The following ADAM18 variants were observed in gnomAD, a reference collection of about 807,000 sequenced individuals.
ADAM18 encodes disintegrin and metalloproteinase domain-containing protein 18.
In ADAM18, 117 loss-of-function variants were observed where a neutral mutation model predicts 94.4. The ratio of observed to expected loss-of-function variants is 1.24; its 90% CI spans 1.07 to 1.45. The LOEUF (loss-of-function observed/expected upper bound fraction) is 1.45, where lower values mean the gene tolerates loss of function less well. Ranked by LOEUF, ADAM18 falls within the 40% of genes most tolerant of loss-of-function variation. ADAM18 has a pLI of 0.00. For synonymous variants in ADAM18, 327 were observed against 291.6 expected (o/e 1.12, Z -1.24); for missense variants, 936 against 880.0 (o/e 1.06, Z -0.81).
chr8:39,606,749 A>G (rs1401767853), intron 3 of ADAM18, among the ~76,000 whole-genome samples: 1 of 152,048 alleles, frequency 6.6e-6, no homozygotes, highest in Non-Finnish European at 1.5e-5. Context: ...CTTTTTAATC[A>G]CCTGGGGGCA....
At chr8:39,673,817 G>A (rs1002601040) in intron 14 of ADAM18, among the ~76,000 whole-genome samples, 6 of 152,112 alleles carry the variant, frequency 3.9e-5, no homozygotes, top group Non-Finnish European at 8.8e-5. Context: ...ATTCTGGTAC[G>A]TTTTATCTTT....
At chr8:39,638,387 T>G in intron 9 of ADAM18, 78 bp from the exon 10 acceptor site, 3 of 946,550 alleles carry the variant, frequency 3.2e-6, no homozygotes, top group South Asian at 4.0e-5. Context: ...AAATTTTATG[T>G]GAAGAAGGTT....
At chr8:39,667,930 A>G (rs1821035535) in intron 13 of ADAM18, 68 bp from the exon 14 acceptor site, 1 of 1,467,318 alleles carries the variant, frequency 6.8e-7, no homozygotes, top group African/African-American at 1.4e-5. Context: ...TATGTGATAA[A>G]TCTTTTCACT....
chr8:39,618,663 G>A (rs1029815377), intron 6 of ADAM18, among the ~76,000 whole-genome samples: 3 of 152,076 alleles, frequency 2.0e-5, no homozygotes, highest in Non-Finnish European at 2.9e-5. Context: ...CCCTAAAGAG[G>A]CCTAGAAGAG....
intron 12 of ADAM18, 61 bp downstream of exon 12, chr8:39,648,588 T>A: frequency 6.9e-7 from 1 of 1,442,090 alleles, no homozygotes; most frequent in African/African-American, 1.4e-5. Context: ...ACATAAGACA[T>A]GTTTGTCATG....
chr8:39,683,136 T>C (rs1821516380), intron 16 of ADAM18, among the ~76,000 whole-genome samples: 1 of 152,212 alleles, frequency 6.6e-6, no homozygotes, highest in Non-Finnish European at 1.5e-5. Flanking sequence ...TCTTCATTGC[T>C]TACTTGGATG....
chr8:39,703,277 C>T (rs189372179), intron 17 of ADAM18, among the ~76,000 whole-genome samples: 60 of 151,962 alleles, frequency 3.9e-4, no homozygotes, highest in African/African-American at 1.0e-3. Context: ...TTTGGCTCTC[C>T]GGTTGACTGT....
intron 6 of ADAM18, 163 bp downstream of exon 6, chr8:39,610,869 A>G: frequency 7.9e-7 from 1 of 1,271,536 alleles, no homozygotes; most frequent in East Asian, 2.9e-5. Flanking sequence ...AAATATTTGG[A>G]AAGTTACATA....
At chr8:39,586,998 T>A (rs1286204448) in intron 2 of ADAM18, among the ~76,000 whole-genome samples, 1 of 152,156 alleles carries the variant, frequency 6.6e-6, no homozygotes, top group African/African-American at 2.4e-5. Flanking sequence ...TTTGGTATTA[T>A]TTATATGGAA....
At chr8:39,721,363 C>T (rs1822742208) in intron 18 of ADAM18, among the ~76,000 whole-genome samples, 1 of 151,366 alleles carries the variant, frequency 6.6e-6, no homozygotes, top group Admixed American at 6.6e-5. Flanking sequence ...TAATTTATGA[C>T]TCAAAGACCT....
intron 6 of ADAM18, among the ~76,000 whole-genome samples, chr8:39,626,102 G>A (rs1819761022): frequency 6.6e-6 from 1 of 152,090 alleles, no homozygotes; most frequent in African/African-American, 2.4e-5. Context: ...ATGGATATTG[G>A]TCTAGTCAGG....
chr8:39,589,216 T>C (rs1259116265), intron 2 of ADAM18, among the ~76,000 whole-genome samples: 7 of 152,230 alleles, frequency 4.6e-5, no homozygotes, highest in African/African-American at 1.7e-4. Flanking sequence ...GTCTAGCTGA[T>C]AGTGCCAAGC....
chr8:39,656,379 A>G (rs896286789), intron 12 of ADAM18, among the ~76,000 whole-genome samples: 1 of 152,150 alleles, frequency 6.6e-6, no homozygotes, highest in Non-Finnish European at 1.5e-5. Flanking sequence ...AGAGGAATGC[A>G]GTGTAGAAAG....
At chr8:39,584,813 AG>A in intron 1 of ADAM18, 136 bp downstream of exon 1, 7 of 1,055,318 alleles carry the variant, frequency 6.6e-6, no homozygotes, top group Non-Finnish European at 8.5e-6. Context: ...CTGGTGTGTC[AG>A]GGACACCTTT....
intron 3 of ADAM18, among the ~76,000 whole-genome samples, chr8:39,608,359 T>C (rs1486012450): frequency 2.0e-5 from 3 of 151,820 alleles, no homozygotes; most frequent in Non-Finnish European, 4.4e-5. Context: ...ATTGGTCTGA[T>C]GCTGTCTTTA....
chr8:39,641,734 C>T (rs751051394), intron 10 of ADAM18, among the ~76,000 whole-genome samples: 6 of 151,870 alleles, frequency 4.0e-5, no homozygotes, highest in Non-Finnish European at 8.8e-5. Flanking sequence ...TTTATGGCCA[C>T]ATAGTATTTA....
At chr8:39,598,926 C>T (rs1818821695) in intron 2 of ADAM18, among the ~76,000 whole-genome samples, 2 of 151,926 alleles carry the variant, frequency 1.3e-5, no homozygotes, top group African/African-American at 2.4e-5. Context: ...ATTATCCTGC[C>T]CCAGCCTCCT....
chr8:39,721,190 A>G (rs1157930723), intron 18 of ADAM18, among the ~76,000 whole-genome samples: 2 of 151,550 alleles, frequency 1.3e-5, no homozygotes, highest in African/African-American at 4.8e-5. Context: ...ACCCTATTCA[A>G]TAAATGGTGC....
rs909184805 is a variant in ADAM18 at position 39,700,989 on chromosome 8, G to A, written c.1903-5801G>A. ...AAAAATTAGCCGGGCGTAGTGGCGG[G>A]CGCCTGTAGTCCCAGCTACTTGGGA... On this transcript the variant is annotated intron_variant, in intron 17 of 19. Transcript: ENST00000265707. Among the ~76,000 whole-genome samples, 18 of 149,140 alleles carry A rather than the reference G, an allele frequency of 1.2e-4. No homozygotes were observed. In the East Asian group the frequency reaches 2.6e-3, roughly 21 times the overall value.
Sources: allele counts gnomAD v4.1 joint callset (sites outside exome capture counted in the v4.1 genomes callset), GRCh38; gene constraint gnomAD v4.1.1; transcripts MANE v1.5; gene names NCBI Gene and HGNC (gene_info 2026-07-23, HGNC 2026-07-21).